Variants in ASB17 observed in about 807,000 individuals in gnomAD.
ASB17 encodes ankyrin repeat and SOCS box containing 17.
A neutral mutation model predicts 25.7 loss-of-function variants in ASB17; 26 were observed. The ratio of observed to expected loss-of-function variants is 1.01; its 90% CI spans 0.74 to 1.40. The LOEUF is 1.40. ASB17 is among the 40% of genes most tolerant of loss of function. The probability of loss-of-function intolerance (pLI) is 0.00; values close to 1 mark genes in which losing one functional copy is unlikely to be tolerated. For missense variants in ASB17, 326 were observed against 338.5 expected (o/e 0.96, Z 0.29); for synonymous variants, 128 against 121.4 (o/e 1.05, Z -0.36).
chr1:75,921,789 G>A (rs1653034304), intron 2 of ASB17, among the ~76,000 whole-genome samples: 1 of 151,892 alleles, frequency 6.6e-6, no homozygotes, highest in South Asian at 2.1e-4. Flanking sequence ...TGTTTTTAAA[G>A]GACAGAGACA....
chr1:75,929,258 T>C (rs1446647351), intron 1 of ASB17, among the ~76,000 whole-genome samples: 1 of 152,026 alleles, frequency 6.6e-6, no homozygotes. Flanking sequence ...GGATTCTCGC[T>C]CTGTCGCCCA....
At position 75,932,228 on chromosome 1, in the gene ASB17, G is replaced by T. The variant is rs1470435631; in HGVS notation, c.64C>A (p.Leu22Ile). 6.2e-7 allele frequency: 1 copy of T among 1,613,870 alleles called. No individual in the cohort carries two copies. The highest frequency in any genetic ancestry group is 8.5e-7 in the Non-Finnish European group (1 of 1,179,840). Reference sequence around the variant, plus strand: ...GGTCTTTTAACAATTTTGTCAAGGAGATTGCAGAATATATTGCTTCTTGGA... The same window carrying T: ...GGTCTTTTAACAATTTTGTCAAGGATATTGCAGAATATATTGCTTCTTGGA... ...SCPRSNIFCN[L>I]LDKIVKRPSL... Residue 22 changes from leucine (L) to isoleucine (I), a missense_variant, in exon 1 of 3, where the codon CTC becomes ATC. Transcript: ENST00000284142.
chr1:75,932,371 G>T lies in ASB17; in HGVS notation c.-80C>A, dbSNP rs1653347374. ...CTCCAGTTACATATTTTGACAATGT[G>T]GCAGGCTTTACTCCACAAACAGAAG... On this transcript the variant is annotated 5_prime_UTR_variant, in exon 1 of 3. Coordinates refer to ENST00000284142, the MANE Select transcript of ASB17 (RefSeq NM_080868.3). 5.2e-6 allele frequency: 7 copies of T among 1,340,114 alleles called. No homozygotes were observed. The highest frequency in any genetic ancestry group is 6.1e-6 in the Non-Finnish European group (6 of 984,200). The allele number at this position is 1,340,114 out of a possible 1,614,324, so 83.0% of individuals were successfully genotyped here.
intron 1 of ASB17, among the ~76,000 whole-genome samples, chr1:75,924,966 A>G (rs1461689613): frequency 6.6e-6 from 1 of 152,090 alleles, no homozygotes; most frequent in Non-Finnish European, 1.5e-5. Context: ...TGGAAAACTT[A>G]TTTAACACCT....
intron 1 of ASB17, among the ~76,000 whole-genome samples, chr1:75,928,876 GTAAA>G (rs1400115517): frequency 6.6e-6 from 1 of 152,220 alleles, no homozygotes; most frequent in East Asian, 1.9e-4. Flanking sequence ...AGGAACAACA[GTAAA>G]TAAACAGGTC....
At chr1:75,926,567 T>C (rs1011070006) in intron 1 of ASB17, among the ~76,000 whole-genome samples, 2 of 152,216 alleles carry the variant, frequency 1.3e-5, no homozygotes, top group Admixed American at 1.3e-4. Flanking sequence ...CTGTAAGAAC[T>C]TCACCTTTTA....
At chr1:75,931,211 A>G (rs1653312901) in intron 1 of ASB17, among the ~76,000 whole-genome samples, 1 of 152,228 alleles carries the variant, frequency 6.6e-6, no homozygotes, top group African/African-American at 2.4e-5. Flanking sequence ...TTTTATTCAG[A>G]TGAATATCTA....
chr1:75,928,041 T>C (rs979837015), intron 1 of ASB17, among the ~76,000 whole-genome samples: 5 of 152,310 alleles, frequency 3.3e-5, no homozygotes, highest in African/African-American at 1.2e-4. Flanking sequence ...CTAGATTACA[T>C]GTCTTCAAGG....
intron 1 of ASB17, among the ~76,000 whole-genome samples, chr1:75,925,956 C>A (rs1443530201): frequency 3.3e-5 from 5 of 152,142 alleles, no homozygotes. Context: ...GGCTATTTCT[C>A]CTCAACTGTC....
intron 1 of ASB17, among the ~76,000 whole-genome samples, chr1:75,924,607 T>C (rs780687652): frequency 2.6e-5 from 4 of 152,146 alleles, no homozygotes; most frequent in Non-Finnish European, 1.5e-5. Context: ...ATATGTATTA[T>C]TTCCTGTATC....
At chr1:75,930,107 A>G (rs1557545800) in intron 1 of ASB17, among the ~76,000 whole-genome samples, 1 of 151,330 alleles carries the variant, frequency 6.6e-6, no homozygotes, top group Non-Finnish European at 1.5e-5. Flanking sequence ...AAAGATTTTG[A>G]GAGTCATTGG....
intron 2 of ASB17, among the ~76,000 whole-genome samples, chr1:75,921,195 C>G (rs1238071747): frequency 8.4e-6 from 1 of 119,692 alleles, no homozygotes; most frequent in Non-Finnish European, 1.8e-5. Context: ...AAGCAAGTTT[C>G]TGAAAATGCA....
intron 2 of ASB17, among the ~76,000 whole-genome samples, chr1:75,920,157 T>C (rs1226867648): frequency 5.3e-5 from 8 of 152,174 alleles, no homozygotes; most frequent in Non-Finnish European, 1.2e-4. Context: ...ATATCAACCA[T>C]TGTAGAGTAA....
intron 1 of ASB17, among the ~76,000 whole-genome samples, chr1:75,923,689 T>C (rs1653091658): frequency 6.6e-6 from 1 of 152,172 alleles, no homozygotes; most frequent in Non-Finnish European, 1.5e-5. Flanking sequence ...AAAGGGGAAC[T>C]TTAAGACTGC....
At chr1:75,919,278 T>A (rs944523416) in intron 2 of ASB17, 120 bp from the exon 3 acceptor site, 1 of 755,266 alleles carries the variant, frequency 1.3e-6, no homozygotes, top group Non-Finnish European at 2.0e-6. Flanking sequence ...AAAACCCTTA[T>A]AACTTTTTTC....
chr1:75,919,432 A>T (rs1652970014), intron 2 of ASB17, among the ~76,000 whole-genome samples: 1 of 151,966 alleles, frequency 6.6e-6, no homozygotes, highest in South Asian at 2.1e-4. Flanking sequence ...CATGTGCACA[A>T]TGTGCAGGTT....
intron 2 of ASB17, among the ~76,000 whole-genome samples, chr1:75,920,722 A>C (rs1028260268): frequency 3.3e-5 from 5 of 152,198 alleles, no homozygotes; most frequent in Admixed American, 3.3e-4. Flanking sequence ...CCACTTAGGC[A>C]GATGATTTTG....
intron 2 of ASB17, among the ~76,000 whole-genome samples, chr1:75,921,140 A>C (rs929372379): frequency 6.6e-6 from 1 of 152,154 alleles, no homozygotes; most frequent in Non-Finnish European, 1.5e-5. Context: ...TTGAGAATTG[A>C]TATGTTCTGT....
In ASB17 at chr1:75,918,900, C is replaced by T; in HGVS notation, c.*52G>A. 2 of 1,431,768 alleles carry T rather than the reference C, an allele frequency of 1.4e-6. No individual in the cohort carries two copies. The highest frequency in any genetic ancestry group is 2.0e-6 in the Non-Finnish European group (2 of 1,016,136). The allele number at this position is 1,431,768 out of a possible 1,614,324, so 88.7% of individuals were successfully genotyped here. On this transcript the variant is annotated 3_prime_UTR_variant, in exon 3 of 3. Coordinates refer to ENST00000284142, the MANE Select transcript of ASB17 (RefSeq NM_080868.3). ...ACATGAAGTGAATTTTTATTAACTT[C>T]TAAGCCATACATTGGTAAGCATTGT...
Sources: allele counts gnomAD v4.1 joint callset (sites outside exome capture counted in the v4.1 genomes callset), GRCh38; gene constraint gnomAD v4.1.1; transcripts MANE v1.5; gene names NCBI Gene and HGNC (gene_info 2026-07-23, HGNC 2026-07-21).